DST: variants seen among roughly 807,000 people sequenced by gnomAD.
DST encodes the protein dystonin.
DST carries 253 observed loss-of-function variants against 875.2 expected under a neutral mutation model. That is an observed-to-expected ratio of 0.29 (90% CI 0.26 to 0.32). The LOEUF (loss-of-function observed/expected upper bound fraction) is 0.32. DST is among the 10% of genes least tolerant of loss of function. The probability of loss-of-function intolerance (pLI) is 1.00; values close to 1 mark genes in which losing one functional copy is unlikely to be tolerated. For synonymous variants in DST, 3,124 were observed against 3,197.1 expected, an observed-to-expected ratio of 0.98 and a Z score of 0.77; for missense variants, 8,287 against 9,111.6, an observed-to-expected ratio of 0.91 and a Z score of 3.68.
At chr6:56,597,100 C>T (rs2098398373) in intron 47 of DST, among the ~76,000 whole-genome samples, 1 of 152,016 alleles carries the variant, frequency 6.6e-6, no homozygotes, top group Non-Finnish European at 1.5e-5. Context: ...ATTAGCCAGG[C>T]ATGGCAGCAC....
At chr6:56,503,937 A>G in intron 78 of DST, 60 bp downstream of exon 78, 1 of 1,127,302 alleles carries the variant, frequency 8.9e-7, no homozygotes, top group Non-Finnish European at 1.3e-6. Context: ...GTACAAAATT[A>G]TGTGAATCAA....
At chr6:56,675,625 A>G (rs1024757720) in intron 9 of DST, among the ~76,000 whole-genome samples, 1 of 152,180 alleles carries the variant, frequency 6.6e-6, no homozygotes, top group Non-Finnish European at 1.5e-5. Context: ...AGGCCAAGGC[A>G]GGCAGATCAT....
chr6:56,720,554 C>T (rs887189810), intron 5 of DST, among the ~76,000 whole-genome samples: 1 of 152,176 alleles, frequency 6.6e-6, no homozygotes, highest in Non-Finnish European at 1.5e-5. Flanking sequence ...GTGGTGATGA[C>T]TCTTAACCAG....
At chr6:56,557,585 A>G in intron 58 of DST, 67 bp from the exon 59 acceptor site, 1 of 1,182,926 alleles carries the variant, frequency 8.5e-7, no homozygotes, top group Non-Finnish European at 1.2e-6. Flanking sequence ...GTCTATGAGG[A>G]CTGTATGGTA....
At position 56,702,382 on chromosome 6, in the gene DST, C is replaced by T. The variant is rs1049221760; in HGVS notation, c.877-417G>A. Among the ~76,000 whole-genome samples, 25 of 148,280 alleles carry T rather than the reference C, an allele frequency of 1.7e-4. 2 individuals carry two copies. Among genetic ancestry groups the T allele is most frequent in the Middle Eastern group, 3.5e-3 (1 of 288 alleles). On this transcript the variant is annotated intron_variant, in intron 7 of 103. Transcript: ENST00000680361. ...AAGAGGGTTTTTATAACTGTATATA[C>T]ACACACACACACACACACACATATA...
At position 56,629,411 on chromosome 6, in the gene DST, C is replaced by A; in HGVS notation, c.4314G>T (p.Gln1438His). 1.2e-6 allele frequency: 2 copies of A among 1,613,524 alleles called. No homozygotes were observed. Among genetic ancestry groups the A allele is most frequent in the Non-Finnish European group, 1.7e-6 (2 of 1,179,658 alleles). Reference protein sequence around the residue: ...QWRSEVDEKRQVFHALEDELQ... With the variant: ...QWRSEVDEKRHVFHALEDELQ... ...ACTCATCCTCTAAGGCATGGAATAC[C>A]TGTCTCTTTTCATCTACTTCAGATC... Residue 1438 changes from glutamine (Q) to histidine (H), a missense_variant, in exon 32 of 104, where the codon CAG becomes CAT. By Grantham distance (24) the Gln-to-His change is conservative (BLOSUM62 0). Coordinates refer to ENST00000680361, the MANE Select transcript of DST (RefSeq NM_001374736.1).
chr6:56,911,232 C>G (rs1479414906), intron 2 of DST, among the ~76,000 whole-genome samples: 1 of 152,156 alleles, frequency 6.6e-6, no homozygotes, highest in African/African-American at 2.4e-5. Context: ...TTCTATAGAT[C>G]AGTGCTTCTC....
At position 56,658,555 on chromosome 6, in the gene DST, G is replaced by T. The variant is rs116288667; in HGVS notation, c.1215-7311C>A. On this transcript the variant is annotated intron_variant, in intron 10 of 103. Transcript: ENST00000680361. ...TACGTGAAAGTAGTTGTGAAACTTA[G>T]TATAAAGGGCAATGTGCGCAGGTTA... Among the ~76,000 whole-genome samples the T allele has an allele frequency of 7.8e-3, 1,194 of 152,266 alleles. 13 individuals carry two copies. Among genetic ancestry groups the T allele is most frequent in the African/African-American group, 0.028 (1,150 of 41,536 alleles).
chr6:56,798,739 T>C (rs1184176706), intron 4 of DST, among the ~76,000 whole-genome samples: 1 of 152,112 alleles, frequency 6.6e-6, no homozygotes, highest in Admixed American at 6.5e-5. Flanking sequence ...CAATTGAAAA[T>C]ATTCTGGAAA....
intron 50 of DST, among the ~76,000 whole-genome samples, chr6:56,576,484 A>C (rs1430772751): frequency 6.6e-6 from 1 of 152,128 alleles, no homozygotes; most frequent in Non-Finnish European, 1.5e-5. Flanking sequence ...TGGGGTCTGA[A>C]GCTAATTCCA....
chr6:56,642,884 G>A, intron 15 of DST: 18 of 1,592,038 alleles, frequency 1.1e-5, no homozygotes, highest in Non-Finnish European at 1.7e-6. Flanking sequence ...GTGAAAAGTG[G>A]CAGCTGAATA....
rs1381466031 is a variant in DST, at chr6:56,492,386, C to T, written c.20598G>A (p.Leu6866=). ...VNSHREQIIE[L]DKTGTHLKYF... is the part of the protein sequence containing the mutation. Reference sequence around the variant, plus strand: ...ATTTTAGGTGGGTTCCAGTTTTGTCCAGCTCTATTATCTGCTCACGATGAG... The same window carrying T: ...ATTTTAGGTGGGTTCCAGTTTTGTCTAGCTCTATTATCTGCTCACGATGAG... The change falls in exon 85 of 104, where the codon CTG becomes CTA. Residue 6866 remains leucine, a synonymous_variant. Coordinates refer to ENST00000680361, the MANE Select transcript of DST (RefSeq NM_001374736.1). 1.9e-6 allele frequency: 3 copies of T among 1,613,674 alleles called. No individual in the cohort carries two copies. The highest frequency in any genetic ancestry group is 1.1e-5 in the South Asian group (1 of 91,054).
intron 36 of DST, chr6:56,620,492 T>A (rs778300913): frequency 6.2e-7 from 1 of 1,614,006 alleles, no homozygotes; most frequent in African/African-American, 1.3e-5. Flanking sequence ...CAGAGAGATA[T>A]CTTCTACATT....
intron 3 of DST, among the ~76,000 whole-genome samples, chr6:56,853,828 T>C (rs1024378375): frequency 6.6e-6 from 1 of 151,952 alleles, no homozygotes; most frequent in African/African-American, 2.4e-5. Context: ...TCTAATCTGG[T>C]AGTGTCATTG....
intron 37 of DST, among the ~76,000 whole-genome samples, chr6:56,612,460 G>C (rs1361740500): frequency 1.4e-4 from 21 of 152,196 alleles, no homozygotes; most frequent in Admixed American, 1.4e-3. Context: ...TCATCTGTCA[G>C]AGAAATAAAA....
chr6:56,913,324 A>G (rs1799524505), intron 2 of DST, among the ~76,000 whole-genome samples: 1 of 152,230 alleles, frequency 6.6e-6, no homozygotes, highest in South Asian at 2.1e-4. Context: ...AGATAAGGAA[A>G]TGGACACTTA....
At chr6:56,926,138 A>T (rs1224832484) in intron 2 of DST, among the ~76,000 whole-genome samples, 2 of 106,194 alleles carry the variant, frequency 1.9e-5, no homozygotes, top group Non-Finnish European at 2.3e-5. Flanking sequence ...AGGTGGATTT[A>T]AAAAAAAAAC....
intron 4 of DST, among the ~76,000 whole-genome samples, chr6:56,801,699 A>G (rs2099747145): frequency 6.6e-6 from 1 of 152,130 alleles, no homozygotes; most frequent in South Asian, 2.1e-4. Flanking sequence ...AAGTGATAAT[A>G]TAAAATGTAT....
intron 5 of DST, among the ~76,000 whole-genome samples, chr6:56,713,873 A>G (rs2099386330): frequency 6.6e-6 from 1 of 152,180 alleles, no homozygotes; most frequent in African/African-American, 2.4e-5. Context: ...ATGCAAACTA[A>G]TTCACTCCTC....
Sources: gnomAD v4.1 joint callset for allele counts (sites outside exome capture counted in the v4.1 genomes callset) on GRCh38, gnomAD v4.1.1 for gene constraint, MANE v1.5 for transcripts, NCBI Gene and HGNC (gene_info 2026-07-23, HGNC 2026-07-21) for gene names.